Variants in PLB1 observed in about 807,000 individuals in gnomAD.
The protein encoded by PLB1 is phospholipase B1.
PLB1 carries 242 observed loss-of-function variants against 227.4 expected under a neutral mutation model. That is an observed-to-expected ratio of 1.06 (90% CI 0.96 to 1.18). PLB1 has a LOEUF of 1.18. Among genes scored for constraint, PLB1 ranks in the 50% most tolerant of loss-of-function variants. The pLI is 0.00. For missense variants in PLB1, 1,858 were observed against 1,816.3 expected, an observed-to-expected ratio of 1.02 and a Z score of -0.42; for synonymous variants, 757 against 682.2, an observed-to-expected ratio of 1.11 and a Z score of -1.71.
intron 43 of PLB1, among the ~76,000 whole-genome samples, chr2:28,609,032 C>A (rs1314916985): frequency 6.6e-6 from 1 of 152,154 alleles, no homozygotes; most frequent in Non-Finnish European, 1.5e-5. Context: ...CCTCCCACCT[C>A]AGCCTCCTGA....
At chr2:28,601,869 C>G in intron 37 of PLB1, 30 bp from the exon 38 acceptor site, 1 of 1,567,678 alleles carries the variant, frequency 6.4e-7, no homozygotes, top group South Asian at 1.1e-5. Flanking sequence ...TAACCAGTTC[C>G]TCCTTTTCCT....
At chr2:28,568,821 T>C (rs1263148227) in intron 20 of PLB1, among the ~76,000 whole-genome samples, 1 of 152,198 alleles carries the variant, frequency 6.6e-6, no homozygotes, top group Admixed American at 6.5e-5. Context: ...AGAATGTTCC[T>C]GGCAGAGAGA....
chr2:28,496,248 T>C (rs1666420938), intron 1 of PLB1, 79 bp downstream of exon 1: 1 of 1,361,990 alleles, frequency 7.3e-7, no homozygotes. Context: ...AATGGGTGTG[T>C]GAGAGGAGTG....
rs1378294676 is a variant in PLB1, at chr2:28,632,019, T to G, written c.3898-17T>G. The stretch of plus-strand genomic sequence containing the variant: ...GCCTTGCCAGGAGGGTTGAGCAGCT[T>G]CTCTCTCTGTCCCCAGCATGGCATC... On this transcript the variant is annotated splice_polypyrimidine_tract_variant and intron_variant, in intron 54 of 57. Coordinates refer to ENST00000327757, the MANE Select transcript of PLB1 (RefSeq NM_153021.5). 2 of 1,604,300 alleles carry G rather than the reference T, an allele frequency of 1.2e-6. No individual in the cohort carries two copies. Among genetic ancestry groups the G allele is most frequent in the African/African-American group, 2.7e-5 (2 of 74,672 alleles).
Position 28,535,428 on chromosome 2 carries a change from G to A in PLB1, c.556-2891G>A, listed in dbSNP as rs1438384510. Among the ~76,000 whole-genome samples the A allele has an allele frequency of 2.0e-5, 3 of 152,214 alleles. No individual in the cohort carries two copies. The East Asian group carries it at 5.8e-4, about 29-fold the overall frequency. On this transcript the variant is annotated intron_variant, in intron 9 of 57. Transcript: ENST00000327757. ...CTAGGCCTGGCTCCTTTGGCCTCCTGGCCAGGCCTGCTGGTGTTGCCCTTC... is the reference window on the plus strand; with the variant it reads ...CTAGGCCTGGCTCCTTTGGCCTCCTAGCCAGGCCTGCTGGTGTTGCCCTTC...
At chr2:28,589,134 C>A (rs1031345790) in intron 26 of PLB1, among the ~76,000 whole-genome samples, 14 of 152,020 alleles carry the variant, frequency 9.2e-5, no homozygotes, top group Non-Finnish European at 1.6e-4. Context: ...CATTGCACTC[C>A]AGCCTGGGTG....
At chr2:28,625,332 T>C (rs1161497642) in intron 50 of PLB1, among the ~76,000 whole-genome samples, 3 of 152,274 alleles carry the variant, frequency 2.0e-5, no homozygotes, top group African/African-American at 7.2e-5. Flanking sequence ...GAGGGCAAGG[T>C]GGAACAGGGA....
At chr2:28,616,045 T>C (rs1573456409) in intron 44 of PLB1, among the ~76,000 whole-genome samples, 1 of 152,314 alleles carries the variant, frequency 6.6e-6, no homozygotes, top group African/African-American at 2.4e-5. Context: ...AAGTAGAGTA[T>C]AAATAGTGGT....
At chr2:28,578,630 AAAAGT>A (rs561340862) in intron 22 of PLB1, among the ~76,000 whole-genome samples, 1 of 152,224 alleles carries the variant, frequency 6.6e-6, no homozygotes, top group African/African-American at 2.4e-5. Flanking sequence ...ACCAAAAAAT[AAAAGT>A]AGAGGAGATG....
At chr2:28,553,655 G>A (rs1256456114) in intron 17 of PLB1, among the ~76,000 whole-genome samples, 1 of 152,168 alleles carries the variant, frequency 6.6e-6, no homozygotes, top group African/African-American at 2.4e-5. Context: ...ATCAGCCTAG[G>A]AGCATCTGTA....
chr2:28,564,323 A>G (rs1053570215), intron 18 of PLB1, among the ~76,000 whole-genome samples: 2 of 152,192 alleles, frequency 1.3e-5, no homozygotes, highest in African/African-American at 4.8e-5. Flanking sequence ...AGCCAGGATC[A>G]CAAATCAGGG....
intron 43 of PLB1, among the ~76,000 whole-genome samples, 176 bp from the exon 44 acceptor site, chr2:28,613,855 T>A (rs1685817550): frequency 6.6e-6 from 1 of 152,222 alleles, no homozygotes; most frequent in Middle Eastern, 3.2e-3. Flanking sequence ...TTGCCAAAGC[T>A]GTTATGTAAA....
At chr2:28,612,609 CT>C (rs34185578) in intron 43 of PLB1, among the ~76,000 whole-genome samples, 10,872 of 137,282 alleles carry the variant, frequency 0.079, 475 homozygotes, top group African/African-American at 0.16. Flanking sequence ...CTGGTTTTCC[CT>C]TTTTTTTTTT....
At chr2:28,609,811 G>A (rs1015183123) in intron 43 of PLB1, among the ~76,000 whole-genome samples, 2 of 152,044 alleles carry the variant, frequency 1.3e-5, no homozygotes, top group African/African-American at 4.8e-5. Context: ...CTATCTAATC[G>A]GATTCTTACC....
At chr2:28,522,735 A>G (rs1203854003) in intron 4 of PLB1, among the ~76,000 whole-genome samples, 2 of 152,184 alleles carry the variant, frequency 1.3e-5, no homozygotes, top group African/African-American at 4.8e-5. Flanking sequence ...CTTCTCAGGA[A>G]CACGACTCCA....
chr2:28,531,567 TC>T (rs2148194293), intron 8 of PLB1, among the ~76,000 whole-genome samples: 1 of 152,336 alleles, frequency 6.6e-6, no homozygotes, highest in South Asian at 2.1e-4. Flanking sequence ...CAACTCGGCC[TC>T]CCAAAGTGCT....
In PLB1 at chr2:28,563,961, T is replaced by A. The variant is rs1676447110; in HGVS notation, c.1206+862T>A. 2.0e-5 allele frequency among the ~76,000 whole-genome samples: 3 copies of A among 152,266 alleles called. No individual in the cohort carries two copies. The South Asian group carries it at 6.2e-4, about 32-fold the overall frequency. ...TTCTTTAGATTCAACCAATAAAGGC[T>A]GGGCCCAGTGGCTCACATCTATAAT... On this transcript the variant is annotated intron_variant, in intron 18 of 57. Transcript: ENST00000327757.
At chr2:28,607,362 C>T (rs1684833325) in intron 43 of PLB1, among the ~76,000 whole-genome samples, 1 of 152,134 alleles carries the variant, frequency 6.6e-6, no homozygotes, top group African/African-American at 2.4e-5. Flanking sequence ...ACCTGCAGCT[C>T]CCCCATGTGT....
chr2:28,498,754 C>T (rs1339317090), intron 1 of PLB1, among the ~76,000 whole-genome samples: 1 of 152,180 alleles, frequency 6.6e-6, no homozygotes, highest in African/African-American at 2.4e-5. Context: ...TATCTTAATT[C>T]TGTAGCTTTA....
Sources: gnomAD v4.1 joint callset for allele counts (sites outside exome capture counted in the v4.1 genomes callset) on GRCh38, gnomAD v4.1.1 for gene constraint, MANE v1.5 for transcripts, NCBI Gene and HGNC (gene_info 2026-07-23, HGNC 2026-07-21) for gene names.